PDE10A: variants seen among roughly 807,000 people sequenced by gnomAD.
PDE10A encodes the protein cAMP and cAMP-inhibited cGMP 3',5'-cyclic phosphodiesterase 10A.
A neutral mutation model predicts 97.7 loss-of-function variants in PDE10A; 39 were observed. That is an observed-to-expected ratio of 0.40 (90% CI 0.31 to 0.52). The LOEUF (loss-of-function observed/expected upper bound fraction) is 0.52. PDE10A is among the 20% of genes least tolerant of loss of function. The probability of loss-of-function intolerance (pLI) is 0.56; values close to 1 mark genes in which losing one functional copy is unlikely to be tolerated. For synonymous variants in PDE10A, 371 were observed against 376.8 expected (o/e 0.98, Z 0.18); for missense variants, 731 against 1,047.8 (o/e 0.70, Z 4.17).
intron 1 of PDE10A, among the ~76,000 whole-genome samples, chr6:165,875,007 CAT>C (rs1211869927): frequency 1.3e-5 from 2 of 152,102 alleles, no homozygotes; most frequent in East Asian, 3.9e-4. Flanking sequence ...AATGGAAAAA[CAT>C]ATATATTTGA....
intron 1 of PDE10A, among the ~76,000 whole-genome samples, chr6:165,733,442 C>A (rs1351124820): frequency 6.6e-6 from 1 of 152,180 alleles, no homozygotes; most frequent in Admixed American, 6.5e-5. Flanking sequence ...GCCCGGTCTT[C>A]ATTTTCCATG....
At chr6:165,884,544 C>T (rs1309642758) in intron 1 of PDE10A, among the ~76,000 whole-genome samples, 2 of 152,144 alleles carry the variant, frequency 1.3e-5, no homozygotes, top group African/African-American at 4.8e-5. Context: ...ACCTGTCTCC[C>T]CCCTGAAACT....
chr6:165,576,900 C>T (rs776493257), intron 1 of PDE10A, among the ~76,000 whole-genome samples: 18 of 152,178 alleles, frequency 1.2e-4, no homozygotes, highest in Non-Finnish European at 2.4e-4. Context: ...AGAATAAATC[C>T]CAATTTGCTA....
intron 1 of PDE10A, among the ~76,000 whole-genome samples, chr6:165,845,107 G>C (rs1260563221): frequency 1.3e-5 from 2 of 152,198 alleles, no homozygotes; most frequent in Non-Finnish European, 2.9e-5. Context: ...TTGTTTACTT[G>C]ATGGGCTATG....
intron 1 of PDE10A, among the ~76,000 whole-genome samples, chr6:165,824,968 T>TAAA (rs71890265): frequency 0.053 from 4,847 of 92,236 alleles, 197 homozygotes; most frequent in East Asian, 0.14. Flanking sequence ...CCGTCTCTAC[T>TAAA]AAAAAAAAAA....
At chr6:165,720,353 G>A (rs563883573) in intron 1 of PDE10A, among the ~76,000 whole-genome samples, 3 of 152,200 alleles carry the variant, frequency 2.0e-5, no homozygotes, top group South Asian at 4.1e-4. Flanking sequence ...TAAAAGCCCC[G>A]ATGTACAAAT....
chr6:165,395,627 A>G (rs762631990), intron 14 of PDE10A, among the ~76,000 whole-genome samples: 7 of 152,200 alleles, frequency 4.6e-5, no homozygotes, highest in Non-Finnish European at 8.8e-5. Flanking sequence ...TTTGGAGTTG[A>G]AACTGTTCTA....
At chr6:165,472,154 T>G (rs1262928792) in intron 3 of PDE10A, among the ~76,000 whole-genome samples, 1 of 152,094 alleles carries the variant, frequency 6.6e-6, no homozygotes, top group Admixed American at 6.5e-5. Flanking sequence ...TTTCCTAATT[T>G]TTTCAGTTTT....
chr6:165,709,147 C>T (rs1354035180), intron 1 of PDE10A, among the ~76,000 whole-genome samples: 1 of 140,694 alleles, frequency 7.1e-6, no homozygotes, highest in Non-Finnish European at 1.6e-5. Context: ...CGCTCTGTCC[C>T]CACTCTCCAC....
intron 1 of PDE10A, among the ~76,000 whole-genome samples, chr6:165,896,838 T>C (rs1475286056): frequency 6.6e-6 from 1 of 151,836 alleles, no homozygotes; most frequent in Non-Finnish European, 1.5e-5. Flanking sequence ...CATGGCTAAT[T>C]TTTGTATTTT....
intron 3 of PDE10A, among the ~76,000 whole-genome samples, chr6:165,460,565 T>C (rs1052678792): frequency 1.3e-5 from 2 of 152,198 alleles, no homozygotes; most frequent in Non-Finnish European, 2.9e-5. Flanking sequence ...AGCAGACATT[T>C]CCATCATTTC....
chr6:165,618,600 G>A (rs3008020), intron 1 of PDE10A, among the ~76,000 whole-genome samples: 3 of 151,962 alleles, frequency 2.0e-5, no homozygotes, highest in Non-Finnish European at 4.4e-5. Flanking sequence ...CCTCAAAGAA[G>A]GGGTTCAGGG....
At chr6:165,557,648 A>G (rs1007705522) in intron 1 of PDE10A, among the ~76,000 whole-genome samples, 15 of 152,344 alleles carry the variant, frequency 9.8e-5, no homozygotes, top group African/African-American at 2.9e-4. Flanking sequence ...CTTTGCTAGC[A>G]AATATACCTT....
At chr6:165,624,178 T>C (rs557449820) in intron 1 of PDE10A, among the ~76,000 whole-genome samples, 2 of 152,354 alleles carry the variant, frequency 1.3e-5, no homozygotes, top group Admixed American at 6.5e-5. Flanking sequence ...CCACAAGAAC[T>C]GTCCCTCCTC....
intron 1 of PDE10A, among the ~76,000 whole-genome samples, chr6:165,941,570 G>A (rs980263184): frequency 2.0e-5 from 3 of 152,144 alleles, no homozygotes; most frequent in African/African-American, 4.8e-5. Context: ...ACGGCTTGGT[G>A]CTGTCTTCCT....
chr6:165,386,556 CAAAT>C (rs746718373), intron 17 of PDE10A, among the ~76,000 whole-genome samples: 100 of 151,954 alleles, frequency 6.6e-4, no homozygotes, highest in East Asian at 2.5e-3. Flanking sequence ...CTTAAACAAA[CAAAT>C]AGTCTCCAAT....
At chr6:165,372,658 G>C (rs905244939) in intron 18 of PDE10A, among the ~76,000 whole-genome samples, 1 of 150,012 alleles carries the variant, frequency 6.7e-6, no homozygotes, top group Admixed American at 6.7e-5. Context: ...ACTGCCCAAG[G>C]TAATTTATAG....
intron 1 of PDE10A, among the ~76,000 whole-genome samples, chr6:165,758,957 T>C (rs959321860): frequency 2.0e-5 from 3 of 152,172 alleles, no homozygotes; most frequent in Non-Finnish European, 4.4e-5. Context: ...ATATCAGATA[T>C]GCTTAATTAT....
At chr6:165,512,398 TTTA>T (rs768960906) in intron 2 of PDE10A, among the ~76,000 whole-genome samples, 1 of 151,846 alleles carries the variant, frequency 6.6e-6, no homozygotes, top group East Asian at 1.9e-4. Context: ...TAAATTATTA[TTTA>T]TTAATAGTAA....
Sources: allele counts gnomAD v4.1 joint callset (sites outside exome capture counted in the v4.1 genomes callset), GRCh38; gene constraint gnomAD v4.1.1; transcripts MANE v1.5; gene names NCBI Gene and HGNC (gene_info 2026-07-23, HGNC 2026-07-21).